The following CACNA1C variants were observed in gnomAD, a reference collection of about 807,000 sequenced individuals.
CACNA1C encodes the protein voltage-dependent L-type calcium channel subunit alpha-1C.
In CACNA1C, 30 loss-of-function variants were observed where a neutral mutation model predicts 229.0. That is an observed-to-expected ratio of 0.13 (90% CI 0.10 to 0.18). The LOEUF (loss-of-function observed/expected upper bound fraction) is 0.18, where lower values mean the gene tolerates loss of function less well. CACNA1C is among the 10% of genes least tolerant of loss of function. The pLI is 1.00. For synonymous variants in CACNA1C, 1,114 were observed against 1,132.5 expected, an observed-to-expected ratio of 0.98 and a Z score of 0.33; for missense variants, 1,658 against 2,845.0, an observed-to-expected ratio of 0.58 and a Z score of 9.49.
chr12:2,197,552 C>G (rs1211780415), intron 3 of CACNA1C, among the ~76,000 whole-genome samples: 3 of 152,174 alleles, frequency 2.0e-5, no homozygotes, highest in African/African-American at 7.2e-5. Context: ...CTGAATTTTA[C>G]TTATTAGTGT....
chr12:2,520,826 T>C (rs903763686), intron 9 of CACNA1C, among the ~76,000 whole-genome samples: 4 of 151,718 alleles, frequency 2.6e-5, no homozygotes, highest in Admixed American at 6.6e-5. Context: ...GGCCGTGTGC[T>C]TCAGAGGAGG....
intron 18 of CACNA1C, among the ~76,000 whole-genome samples, chr12:2,591,016 A>G (rs944081290): frequency 6.6e-6 from 1 of 152,012 alleles, no homozygotes; most frequent in Non-Finnish European, 1.5e-5. Flanking sequence ...AAGAACTCCA[A>G]CTCTTGTCCT....
intron 10 of CACNA1C, among the ~76,000 whole-genome samples, chr12:2,555,112 T>C (rs1482053066): frequency 6.6e-6 from 1 of 152,238 alleles, no homozygotes; most frequent in Non-Finnish European, 1.5e-5. Context: ...CAGAAGGACC[T>C]GTAGTCCACG....
intron 3 of CACNA1C, among the ~76,000 whole-genome samples, chr12:2,439,653 A>G (rs2099197465): frequency 6.6e-6 from 1 of 152,138 alleles, no homozygotes; most frequent in South Asian, 2.1e-4. Flanking sequence ...CTGATAGGCA[A>G]CTAAGCCATT....
intron 3 of CACNA1C, among the ~76,000 whole-genome samples, chr12:2,193,235 A>T (rs960338764): frequency 1.3e-5 from 2 of 152,182 alleles, no homozygotes; most frequent in African/African-American, 4.8e-5. Flanking sequence ...CGGGTGGATC[A>T]CTTGAACCCA....
chr12:2,035,072 GC>G (rs2048872974), intron 1 of CACNA1C, among the ~76,000 whole-genome samples: 1 of 152,194 alleles, frequency 6.6e-6, no homozygotes, highest in African/African-American at 2.4e-5. Flanking sequence ...AGGTGCCGGC[GC>G]CCCCTGCTGG....
chr12:2,653,701 T>A lies in CACNA1C; in HGVS notation c.4075-134T>A. 1.4e-6 allele frequency: 1 copy of A among 715,700 alleles called. No individual in the cohort carries two copies. The highest frequency in any genetic ancestry group is 2.5e-6 in the Non-Finnish European group (1 of 404,960). 44.3% of individuals were successfully genotyped at this position (715,700 alleles called of 1,614,324 possible). A position where few individuals can be genotyped will look rare whatever the true frequency, so the allele number is the denominator to read the frequency against. On this transcript the variant is annotated intron_variant, in intron 32 of 46. Coordinates refer to ENST00000399655, the MANE Select transcript of CACNA1C (RefSeq NM_000719.7). The surrounding 1 kb of genome is among the most constrained non-coding windows in gnomAD (Gnocchi z 4.7). Reference sequence around the variant, plus strand: ...CAGGTTCCCCGTAGTCCTGTGGGACTCTTGGAAGTGTCCCCCGGCCCAAAC... The same window carrying A: ...CAGGTTCCCCGTAGTCCTGTGGGACACTTGGAAGTGTCCCCCGGCCCAAAC...
At position 2,608,332 on chromosome 12, in the gene CACNA1C, C is replaced by T. The variant is rs2076224542; in HGVS notation, c.3357-179C>T. 6.6e-6 allele frequency among the ~76,000 whole-genome samples: 1 copy of T among 152,332 alleles called. No individual in the cohort carries two copies. Among genetic ancestry groups the T allele is most frequent in the African/African-American group, 2.4e-5 (1 of 41,568 alleles). ...ATTTACAGATGAAGAATCTGAGTCT[C>T]AGAGAGGTTAAACGCTTTGCCCAAG... is the stretch of plus-strand genomic sequence containing the variant. On this transcript the variant is annotated intron_variant, in intron 26 of 46. Coordinates refer to ENST00000399655, the MANE Select transcript of CACNA1C (RefSeq NM_000719.7). This position sits in a 1 kb window ranked among gnomAD's most constrained non-coding sequence, Gnocchi z 4.2.
chr12:2,109,936 G>T (rs992244664), intron 1 of CACNA1C, among the ~76,000 whole-genome samples: 2 of 152,216 alleles, frequency 1.3e-5, no homozygotes, highest in African/African-American at 4.8e-5. Context: ...CAGTGTCACT[G>T]TAGTCCACCT....
At position 2,057,558 on chromosome 12, in the gene CACNA1C, C is replaced by T. The variant is rs146449641; in HGVS notation, c.49+3947C>T. On this transcript the variant is annotated intron_variant, in intron 1 of 46. Transcript: ENST00000399655. ...CCAAAAGACCAGTGTGTCTCCGTGCCGCCGCACACACTGGAGGCCCTCGCG... is the reference window on the plus strand; with the variant it reads ...CCAAAAGACCAGTGTGTCTCCGTGCTGCCGCACACACTGGAGGCCCTCGCG... 4.2e-3 allele frequency among the ~76,000 whole-genome samples: 637 copies of T among 152,276 alleles called. 7 individuals are homozygous for T. The highest frequency in any genetic ancestry group is 0.015 in the African/African-American group (611 of 41,546).
intron 3 of CACNA1C, among the ~76,000 whole-genome samples, chr12:2,221,376 GC>G (rs1195398043): frequency 2.0e-5 from 3 of 152,306 alleles, no homozygotes; most frequent in African/African-American, 7.2e-5. Context: ...GAGAATAGAG[GC>G]TGGGACCAGG....
chr12:2,283,429 C>T (rs1430669417), intron 3 of CACNA1C, among the ~76,000 whole-genome samples: 2 of 152,148 alleles, frequency 1.3e-5, no homozygotes, highest in Non-Finnish European at 2.9e-5. Context: ...AAATTAGAGC[C>T]TTCACCTCCA....
At chr12:2,359,846 C>T (rs2097505939) in intron 3 of CACNA1C, among the ~76,000 whole-genome samples, 1 of 152,056 alleles carries the variant, frequency 6.6e-6, no homozygotes, top group Non-Finnish European at 1.5e-5. Context: ...GAGCCTGAGG[C>T]TACAGGAAGA....
At chr12:2,306,962 C>T (rs1047030003) in intron 3 of CACNA1C, among the ~76,000 whole-genome samples, 4 of 152,150 alleles carry the variant, frequency 2.6e-5, no homozygotes, top group Non-Finnish European at 4.4e-5. Context: ...TGGCACTTCC[C>T]CAGCCCCGTG....
chr12:2,488,394 T>C lies in CACNA1C; in HGVS notation c.916+2132T>C, dbSNP rs545935470. Among the ~76,000 whole-genome samples the C allele has an allele frequency of 2.0e-5, 3 of 152,252 alleles. No homozygotes were observed. The highest frequency in any genetic ancestry group is 1.3e-4 in the Admixed American group (2 of 15,302). ...GGGGAGGGAGCCGTCCTGAAGGCCA[T>C]AGCCGTAGGGCCCAGTGAAGAGGTC... is the stretch of plus-strand genomic sequence containing the variant. On this transcript the variant is annotated intron_variant, in intron 6 of 46. Transcript: ENST00000399655. The surrounding 1 kb of genome is among the most constrained non-coding windows in gnomAD (Gnocchi z 4.0).
chr12:2,578,201 A>G (rs189223356), intron 13 of CACNA1C, among the ~76,000 whole-genome samples: 2 of 152,334 alleles, frequency 1.3e-5, no homozygotes, highest in East Asian at 3.9e-4. Context: ...AATGAGGGAT[A>G]GAGCGGTGGC....
chr12:2,123,188 A>G (rs2087769101), intron 3 of CACNA1C, among the ~76,000 whole-genome samples: 1 of 152,090 alleles, frequency 6.6e-6, no homozygotes, highest in Non-Finnish European at 1.5e-5. Flanking sequence ...CAGCCTGGCT[A>G]ACACGGTAAA....
chr12:2,347,656 C>T (rs1355677231), intron 3 of CACNA1C, among the ~76,000 whole-genome samples: 1 of 152,238 alleles, frequency 6.6e-6, no homozygotes. Context: ...TCTCATAGCT[C>T]CTGCCTTTGG....
At chr12:2,645,346 G>A (rs1409613747) in intron 30 of CACNA1C, among the ~76,000 whole-genome samples, 1 of 152,198 alleles carries the variant, frequency 6.6e-6, no homozygotes, top group East Asian at 1.9e-4. Flanking sequence ...CAGCAAATCT[G>A]GGAAGGGGTC....
Sources: gnomAD v4.1 joint callset for allele counts (sites outside exome capture counted in the v4.1 genomes callset) on GRCh38, gnomAD v4.1.1 for gene constraint, Gnocchi (gnomAD v3.1) non-coding constraint, MANE v1.5 for transcripts, NCBI Gene and HGNC (gene_info 2026-07-23, HGNC 2026-07-21) for gene names.